PTPRZ1: variants seen among roughly 807,000 people sequenced by gnomAD.
PTPRZ1 encodes receptor-type tyrosine-protein phosphatase zeta.
In PTPRZ1, 82 loss-of-function variants were observed where a neutral mutation model predicts 214.1. The ratio of observed to expected loss-of-function variants is 0.38; its 90% CI spans 0.32 to 0.46. The LOEUF is 0.46. Ranked by LOEUF, PTPRZ1 falls within the 20% of genes least tolerant of loss-of-function variation. PTPRZ1 has a pLI of 1.00. For missense variants in PTPRZ1, 2,603 were observed against 2,748.7 expected (o/e 0.95, Z 1.19); for synonymous variants, 945 against 987.9 (o/e 0.96, Z 0.81).
In PTPRZ1 at chr7:122,012,418, A is replaced by T. The variant is rs778843840; in HGVS notation, c.3372A>T (p.Ser1124=). Residue 1124 remains serine (S), a synonymous_variant, in exon 12 of 30, where the codon TCA becomes TCT. Coordinates refer to ENST00000393386, the MANE Select transcript of PTPRZ1 (RefSeq NM_002851.3). The part of the protein sequence containing the change: ...EISQVPENNF[S]VQPTHTVSQA... ...GTCAAGTTCCAGAAAATAACTTTTC[A>T]GTTCAACCTACACATACTGTCTCTC... The T allele has an allele frequency of 3.7e-6, 6 of 1,613,970 alleles. No individual in the cohort carries two copies. In the East Asian group the frequency reaches 1.3e-4, roughly 36 times the overall value.
chr7:121,986,594 C>T (rs13241278), intron 8 of PTPRZ1, among the ~76,000 whole-genome samples: 55,321 of 151,900 alleles, frequency 0.36, 11,515 homozygotes, highest in Middle Eastern at 0.49. Context: ...TTGTAGGAAT[C>T]GATTTTATTC....
Position 121,997,904 on chromosome 7 carries a change from C to A in PTPRZ1, c.1138C>A (p.Pro380Thr). 1 of 1,608,866 alleles carries A rather than the reference C, an allele frequency of 6.2e-7. No homozygotes were observed. The highest frequency in any genetic ancestry group is 1.1e-5 in the South Asian group (1 of 90,798). Residue 380 changes from proline to threonine, a missense_variant, in exon 10 of 30, where the codon CCC (proline) becomes ACC (threonine). By Grantham distance (38) the Pro-to-Thr change is conservative. This residue lies in a region of PTPRZ1 where 244 missense variants were observed against 333.2 expected (regional missense o/e 0.73). Transcript: ENST00000393386. ...DLGAILNNLL[P>T]NMSYVLQIVA... ...GGGTGCTATTCTCAATAATTTGCTA[C>A]CCAATATGAGTTATGTTCTTCAGAT...
At chr7:121,953,012 G>A (rs1444772947) in intron 2 of PTPRZ1, among the ~76,000 whole-genome samples, 3 of 152,082 alleles carry the variant, frequency 2.0e-5, no homozygotes, top group African/African-American at 4.8e-5. Context: ...TGGAAATTCA[G>A]GAAAGAGGTT....
At chr7:121,922,327 C>T (rs1434388219) in intron 1 of PTPRZ1, among the ~76,000 whole-genome samples, 7 of 152,224 alleles carry the variant, frequency 4.6e-5, no homozygotes. Flanking sequence ...GATGCCAAGG[C>T]GGGCAGATCA....
At chr7:121,953,099 T>G (rs1796607913) in intron 2 of PTPRZ1, among the ~76,000 whole-genome samples, 1 of 152,254 alleles carries the variant, frequency 6.6e-6, no homozygotes, top group South Asian at 2.1e-4. Flanking sequence ...CTTTTAAGAT[T>G]TTAAAAAGTC....
At chr7:121,875,341 A>G (rs1794022075) in intron 1 of PTPRZ1, among the ~76,000 whole-genome samples, 1 of 152,172 alleles carries the variant, frequency 6.6e-6, no homozygotes. Flanking sequence ...ACTTGGCATA[A>G]TGTTTTCAGT....
intron 1 of PTPRZ1, 77 bp downstream of exon 1, chr7:121,873,634 G>T: frequency 6.5e-7 from 1 of 1,538,722 alleles, no homozygotes. Context: ...GCGTGTCCGC[G>T]ACTTGCCGCC....
chr7:121,915,337 C>T (rs1337734852), intron 1 of PTPRZ1, among the ~76,000 whole-genome samples: 1 of 152,098 alleles, frequency 6.6e-6, no homozygotes. Flanking sequence ...CCTACTAATG[C>T]CCCTTGCTCT....
chr7:122,004,537 C>T, intron 10 of PTPRZ1, 77 bp from the exon 11 acceptor site: 1 of 749,822 alleles, frequency 1.3e-6, no homozygotes, highest in Non-Finnish European at 2.2e-6. Flanking sequence ...AATTTTTTCT[C>T]TTTCACCCAA....
chr7:122,037,013 C>T (rs957804992), intron 18 of PTPRZ1, among the ~76,000 whole-genome samples: 10 of 152,116 alleles, frequency 6.6e-5, no homozygotes, highest in Non-Finnish European at 1.0e-4. Flanking sequence ...TGGCTCACGC[C>T]TGTAATCCCA....
At chr7:122,025,811 G>A (rs73217038) in intron 13 of PTPRZ1, among the ~76,000 whole-genome samples, 4,365 of 152,236 alleles carry the variant, frequency 0.029, 76 homozygotes, top group Middle Eastern at 0.044. Flanking sequence ...AGATATTTTG[G>A]TTAGAAGTAG....
intron 13 of PTPRZ1, among the ~76,000 whole-genome samples, chr7:122,026,897 G>C (rs181142052): frequency 6.6e-6 from 1 of 152,162 alleles, no homozygotes; most frequent in Non-Finnish European, 1.5e-5. Flanking sequence ...GAAATGCTTC[G>C]GGGTTACCTC....
intron 2 of PTPRZ1, among the ~76,000 whole-genome samples, chr7:121,935,563 T>C (rs998098029): frequency 6.6e-6 from 1 of 151,182 alleles, no homozygotes; most frequent in Non-Finnish European, 1.5e-5. Context: ...TTTGTTTGTT[T>C]GTTTGTTTGT....
At chr7:121,945,544 A>AGG (rs941814816) in intron 2 of PTPRZ1, among the ~76,000 whole-genome samples, 1 of 152,076 alleles carries the variant, frequency 6.6e-6, no homozygotes. Flanking sequence ...CCCTTGGCTT[A>AGG]GGAGGATTCA....
At chr7:121,965,994 A>G (rs1437054106) in intron 2 of PTPRZ1, among the ~76,000 whole-genome samples, 1 of 152,308 alleles carries the variant, frequency 6.6e-6, no homozygotes, top group African/African-American at 2.4e-5. Context: ...GTACAGGCAA[A>G]TGATGACAGT....
chr7:122,058,913 T>A lies in PTPRZ1; in HGVS notation c.6642T>A (p.Asn2214Lys), dbSNP rs1263718334. Residue 2214 changes from asparagine to lysine, a missense_variant, in exon 28 of 30, where the codon AAT (asparagine) becomes AAA (lysine). This residue lies in a region of PTPRZ1 where 165 missense variants were observed against 151.4 expected (regional missense o/e 1.09). Coordinates refer to ENST00000393386, the MANE Select transcript of PTPRZ1 (RefSeq NM_002851.3). ...GTGTTATAAAAGAAGAAGCTGCCAA[T>A]AGGGATGGGCCTATGATTGTTCATG... ...LISVIKEEAA[N>K]RDGPMIVHDE... 1.3e-6 allele frequency: 2 copies of A among 1,591,232 alleles called. No individual in the cohort carries two copies. Among genetic ancestry groups the A allele is most frequent in the Non-Finnish European group, 1.7e-6 (2 of 1,159,550 alleles).
chr7:121,894,522 C>T (rs904788068), intron 1 of PTPRZ1, among the ~76,000 whole-genome samples: 1 of 152,182 alleles, frequency 6.6e-6, no homozygotes, highest in Admixed American at 6.5e-5. Flanking sequence ...CCTCCCACCT[C>T]AGCCTCCTGT....
chr7:121,900,608 A>G (rs1335125552), intron 1 of PTPRZ1, among the ~76,000 whole-genome samples: 1 of 152,154 alleles, frequency 6.6e-6, no homozygotes, highest in Non-Finnish European at 1.5e-5. Context: ...AACAGCTTTG[A>G]TATAGTGGTT....
intron 8 of PTPRZ1, among the ~76,000 whole-genome samples, chr7:121,991,627 G>A (rs1400869520): frequency 6.6e-6 from 1 of 152,116 alleles, no homozygotes; most frequent in East Asian, 1.9e-4. Flanking sequence ...ACACTGTACT[G>A]CACCTATGTT....
Sources: allele counts gnomAD v4.1 joint callset (sites outside exome capture counted in the v4.1 genomes callset), GRCh38; gene constraint gnomAD v4.1.1; regional missense constraint gnomAD v4.1.1; transcripts MANE v1.5; gene names NCBI Gene and HGNC (gene_info 2026-07-23, HGNC 2026-07-21).